Variants in FANCB observed in about 807,000 individuals in gnomAD.
FANCB encodes Fanconi anemia group B protein.
A neutral mutation model predicts 38.9 loss-of-function variants in FANCB; 5 were observed. The observed-to-expected ratio is 0.13, with a 90% CI of 0.07 to 0.27. FANCB has a LOEUF of 0.27. Ranked by LOEUF, FANCB falls within the 10% of genes least tolerant of loss-of-function variation. The pLI, the probability that FANCB is intolerant of heterozygous loss-of-function variation, is 1.00. For missense variants in FANCB, 573 were observed against 602.7 expected, an observed-to-expected ratio of 0.95 and a Z score of 0.52; for synonymous variants, 236 against 215.4, an observed-to-expected ratio of 1.10 and a Z score of -0.84.
intron 3 of FANCB, among the ~76,000 whole-genome samples, chrX:14,861,000 G>A (rs989047260): frequency 5.4e-5 from 6 of 110,164 alleles, no homozygotes; most frequent in African/African-American, 9.9e-5. Context: ...TTCCCACCTC[G>A]GCCTCCCAAG....
the FANCB span, among the ~76,000 whole-genome samples, chrX:14,700,603 GACATTGGTAACCTCAACA>G: frequency 8.9e-6 from 1 of 111,826 alleles, no homozygotes; most frequent in Non-Finnish European, 1.9e-5. Flanking sequence ...GAAGTCAGAG[GACATTGGTAACCTCAACA>G]ACAGCAGGCT....
chrX:14,819,369 A>C, the FANCB span, among the ~76,000 whole-genome samples: 1 of 112,213 alleles, frequency 8.9e-6, no homozygotes, highest in Non-Finnish European at 1.9e-5. Context: ...GAACTGAGAA[A>C]AAAAAACAGG....
chrX:14,817,402 T>C, the FANCB span, among the ~76,000 whole-genome samples: 1 of 111,603 alleles, frequency 9.0e-6, no homozygotes, highest in Non-Finnish European at 1.9e-5. Flanking sequence ...GCAAACAAGA[T>C]TATCATTATC....
chrX:14,823,114 C>T, the FANCB span, among the ~76,000 whole-genome samples: 1 of 76,227 alleles, frequency 1.3e-5, no homozygotes, highest in Non-Finnish European at 2.3e-5. Context: ...ACGAGTTTCG[C>T]TCTTGTTGCC....
downstream of FANCB, chrX:14,843,383 G>A (rs183162259): frequency 1.6e-4 from 64 of 407,022 alleles, no homozygotes; most frequent in African/African-American, 1.1e-3. Context: ...GGGTAGAGGA[G>A]AGGGAGATAA....
chrX:14,834,558 G>C, downstream of FANCB: 1 of 511,015 alleles, frequency 2.0e-6, no homozygotes, highest in Non-Finnish European at 3.5e-6. Context: ...TGATGAACTT[G>C]GCTTCCCTTT....
Position 14,857,914 on chromosome X carries a change from T to C in FANCB, c.1145A>G (p.Asp382Gly). The change falls in exon 5 of 10, where the codon GAC (aspartate) becomes GGC (glycine). Residue 382 changes from aspartate to glycine, a missense_variant. Asp to Gly is a moderately conservative substitution (Grantham distance 94, BLOSUM62 -1). Transcript: ENST00000650831. ...CACCAGGTAACGATTCTCTTGTTTG[T>C]CTTCAAATAAGTCATCTTCATTGCA... ...SDCNEDDLFE[D>G]KQENRYLVVP... 8.4e-7 allele frequency: 1 copy of C among 1,189,156 alleles called. No homozygotes were observed. The highest frequency in any genetic ancestry group is 1.1e-6 in the Non-Finnish European group (1 of 875,313).
chrX:14,759,011 G>T, the FANCB span, among the ~76,000 whole-genome samples: 1 of 111,028 alleles, frequency 9.0e-6, no homozygotes, highest in African/African-American at 3.3e-5. Context: ...CAGTAAAATA[G>T]CATAAATAAA....
chrX:14,723,569 T>G, the FANCB span, among the ~76,000 whole-genome samples: 1 of 111,856 alleles, frequency 8.9e-6, no homozygotes, highest in Non-Finnish European at 1.9e-5. Context: ...GTTCTCAAAA[T>G]AAAGCTTCAT....
At chrX:14,842,368 A>G (rs2092357683), downstream of FANCB, among the ~76,000 whole-genome samples, 1 of 112,023 alleles carries the variant, frequency 8.9e-6, no homozygotes, top group South Asian at 3.7e-4. Context: ...GCATGAGAGA[A>G]TTAGCACTTC....
chrX:14,701,939 T>C, the FANCB span, among the ~76,000 whole-genome samples: 2 of 112,001 alleles, frequency 1.8e-5, no homozygotes, highest in African/African-American at 6.5e-5. Context: ...GTGCAGAATG[T>C]TGTGTGCTGT....
chrX:14,807,143 G>A, the FANCB span, among the ~76,000 whole-genome samples: 1 of 111,898 alleles, frequency 8.9e-6, no homozygotes, highest in Non-Finnish European at 1.9e-5. Context: ...ATAATAGGCA[G>A]GTAAAAGTCA....
chrX:14,733,492 C>T, the FANCB span, among the ~76,000 whole-genome samples: 1 of 112,012 alleles, frequency 8.9e-6, no homozygotes, highest in Non-Finnish European at 1.9e-5. Flanking sequence ...TTGACTCTTT[C>T]AATCAATGAG....
chrX:14,834,290 A>G (rs1373486191), downstream of FANCB, among the ~76,000 whole-genome samples: 3 of 111,979 alleles, frequency 2.7e-5, no homozygotes, highest in Non-Finnish European at 5.6e-5. Context: ...GTGGAGTTCC[A>G]TCTTTAAAAA....
At chrX:14,807,490 A>T in the FANCB span, among the ~76,000 whole-genome samples, 1 of 112,389 alleles carries the variant, frequency 8.9e-6, no homozygotes, top group Non-Finnish European at 1.9e-5. Flanking sequence ...GTATTACGAT[A>T]AGTTAGGATA....
At chrX:14,823,039 G>A in the FANCB span, among the ~76,000 whole-genome samples, 18 of 106,896 alleles carry the variant, frequency 1.7e-4, no homozygotes, top group African/African-American at 6.1e-4. Context: ...AGTTTGCTTT[G>A]GGTTAATGTT....
chrX:14,791,922 T>C, the FANCB span, among the ~76,000 whole-genome samples: 1 of 111,845 alleles, frequency 8.9e-6, no homozygotes, highest in African/African-American at 3.2e-5. Context: ...TTACATTTGT[T>C]AACACATTTG....
the FANCB span, among the ~76,000 whole-genome samples, chrX:14,734,029 TA>T: frequency 8.9e-6 from 1 of 112,231 alleles, no homozygotes; most frequent in Non-Finnish European, 1.9e-5. Context: ...ATGTTTAAAA[TA>T]AATACCAGAA....
chrX:14,735,803 G>A, the FANCB span, among the ~76,000 whole-genome samples: 1 of 65,379 alleles, frequency 1.5e-5, no homozygotes, highest in Non-Finnish European at 2.8e-5. Flanking sequence ...CTGGCAGGCA[G>A]GAACATTTAA....
Sources: allele counts gnomAD v4.1 joint callset (sites outside exome capture counted in the v4.1 genomes callset), GRCh38; gene constraint gnomAD v4.1.1; transcripts MANE v1.5; gene names NCBI Gene and HGNC (gene_info 2026-07-23, HGNC 2026-07-21).